The following LIN28B variants were observed in gnomAD, a reference collection of about 807,000 sequenced individuals.
LIN28B encodes lin-28 RNA binding posttranscriptional regulator B, also known as protein lin-28 homolog B.
In LIN28B, 5 loss-of-function variants were observed where a neutral mutation model predicts 21.9. The observed-to-expected ratio is 0.23, with a 90% confidence interval of 0.12 to 0.48. The LOEUF is 0.48. Ranked by LOEUF, LIN28B falls within the 20% of genes least tolerant of loss-of-function variation. The probability of loss-of-function intolerance (pLI) is 0.98; values close to 1 mark genes in which losing one functional copy is unlikely to be tolerated. For missense variants in LIN28B, 245 were observed against 310.5 expected, an observed-to-expected ratio of 0.79 and a Z score of 1.58; for synonymous variants, 109 against 111.3, an observed-to-expected ratio of 0.98 and a Z score of 0.13.
chr6:104,991,042 C>T (rs1321689499), intron 2 of LIN28B, among the ~76,000 whole-genome samples: 2 of 152,252 alleles, frequency 1.3e-5, no homozygotes, highest in South Asian at 2.1e-4. Flanking sequence ...AAACTGCCAT[C>T]GTCATCATGG....
At chr6:105,075,784 G>A (rs555044559) in intron 3 of LIN28B, among the ~76,000 whole-genome samples, 1 of 152,250 alleles carries the variant, frequency 6.6e-6, no homozygotes, top group South Asian at 2.1e-4. Flanking sequence ...TCCCTGAATT[G>A]GATAACACAG....
chr6:104,969,364 C>T (rs1352699576), intron 2 of LIN28B, among the ~76,000 whole-genome samples: 2 of 152,064 alleles, frequency 1.3e-5, no homozygotes, highest in Non-Finnish European at 2.9e-5. Flanking sequence ...CCACAGAAGC[C>T]AGGGTCAGAA....
rs1434859806 is a variant in LIN28B, at chr6:104,957,261, G to T, written c.10+1G>T. On this transcript the variant is annotated splice_donor_variant, in intron 1 of 3. Transcript: ENST00000345080. LOFTEE classifies it high-confidence loss of function. Reference sequence around the variant, plus strand: ...GGCCCGTGGGGCAACATGGCCGAAGGTTAATTTTCTTTTCTATTGTTTTAC... The same window carrying T: ...GGCCCGTGGGGCAACATGGCCGAAGTTTAATTTTCTTTTCTATTGTTTTAC... 2 of 1,606,956 alleles carry T rather than the reference G, an allele frequency of 1.2e-6. No homozygotes were observed. The highest frequency in any genetic ancestry group is 2.2e-5 in the South Asian group (2 of 90,650).
intron 2 of LIN28B, among the ~76,000 whole-genome samples, chr6:104,973,836 ATTC>A (rs1770027482): frequency 1.3e-5 from 2 of 152,174 alleles, no homozygotes; most frequent in African/African-American, 2.4e-5. Context: ...GGTTTGGTTA[ATTC>A]TTTTATACCT....
intron 3 of LIN28B, among the ~76,000 whole-genome samples, chr6:105,042,557 G>A (rs1562103289): frequency 6.6e-6 from 1 of 151,490 alleles, no homozygotes; most frequent in Non-Finnish European, 1.5e-5. Flanking sequence ...GCTTTCTTTT[G>A]TAAGATCATT....
chr6:105,032,180 G>A (rs1400757766), intron 3 of LIN28B, among the ~76,000 whole-genome samples: 2 of 152,030 alleles, frequency 1.3e-5, no homozygotes, highest in Non-Finnish European at 2.9e-5. Context: ...CTATTGAAGG[G>A]CATTTGAGTG....
intron 3 of LIN28B, among the ~76,000 whole-genome samples, chr6:105,043,843 T>C (rs1222356839): frequency 1.3e-5 from 2 of 152,156 alleles, no homozygotes; most frequent in African/African-American, 2.4e-5. Flanking sequence ...TCAAGCGATC[T>C]GCCTCCTCAG....
chr6:104,999,635 T>G (rs2114287421), intron 2 of LIN28B, among the ~76,000 whole-genome samples: 2 of 152,260 alleles, frequency 1.3e-5, no homozygotes, highest in Admixed American at 1.3e-4. Flanking sequence ...GTGTAGCCAA[T>G]TTAAGTTATT....
rs980799980 is a variant in LIN28B, at chr6:105,030,592, CTTT to C, written c.383+4129_383+4131del. Among the ~76,000 whole-genome samples the C allele has an allele frequency of 8.4e-5, 9 of 106,594 alleles. No individual in the cohort carries two copies. In the South Asian group the frequency reaches 1.2e-3, roughly 15 times the overall value. The allele number at this position is 106,594 out of a possible 152,430, so 69.9% of individuals were successfully genotyped here. ...CTTGAATTAATTTCTTTCTTTCTTTCTTTTTTTTTTTTTTTTTTTTTGGAGACA... is the reference window on the plus strand; with the variant it reads ...CTTGAATTAATTTCTTTCTTTCTTTCTTTTTTTTTTTTTTTTTTGGAGACA... On this transcript the variant is annotated intron_variant, in intron 3 of 3. Coordinates refer to ENST00000345080, the MANE Select transcript of LIN28B (RefSeq NM_001004317.4).
intron 2 of LIN28B, among the ~76,000 whole-genome samples, chr6:104,973,235 C>A (rs1249423113): frequency 1.3e-5 from 2 of 151,992 alleles, no homozygotes; most frequent in African/African-American, 4.8e-5. Context: ...CATTAATATT[C>A]CTAATAGTAA....
intron 2 of LIN28B, among the ~76,000 whole-genome samples, chr6:104,987,573 G>T (rs779350224): frequency 1.6e-4 from 25 of 152,084 alleles, no homozygotes; most frequent in Non-Finnish European, 2.8e-4. Context: ...CAGTTCTCCT[G>T]CCTTGGCCTC....
At chr6:105,049,950 T>C (rs950737803) in intron 3 of LIN28B, among the ~76,000 whole-genome samples, 52 of 152,332 alleles carry the variant, frequency 3.4e-4, no homozygotes, top group Non-Finnish European at 7.4e-4. Flanking sequence ...CTTGACTTTT[T>C]ATCCAATTTG....
upstream of LIN28B, among the ~76,000 whole-genome samples, chr6:104,952,748 T>C (rs1778234369): frequency 1.3e-5 from 2 of 152,328 alleles, no homozygotes; most frequent in Admixed American, 6.5e-5. Flanking sequence ...TTAAAATTTA[T>C]GCTAATCCGT....
intron 2 of LIN28B, among the ~76,000 whole-genome samples, chr6:104,961,410 T>A (rs1460489348): frequency 2.6e-5 from 4 of 151,344 alleles, no homozygotes; most frequent in African/African-American, 4.8e-5. Flanking sequence ...ATTCTTTTAT[T>A]TTTTTTTTGA....
intron 2 of LIN28B, among the ~76,000 whole-genome samples, chr6:104,962,713 G>A (rs1769772296): frequency 6.6e-6 from 1 of 151,902 alleles, no homozygotes; most frequent in South Asian, 2.1e-4. Flanking sequence ...TCATTTTTAA[G>A]GGCTTTTCGT....
intron 3 of LIN28B, among the ~76,000 whole-genome samples, chr6:105,049,474 T>C (rs1771845713): frequency 6.6e-6 from 1 of 152,214 alleles, no homozygotes; most frequent in Admixed American, 6.5e-5. Context: ...AGAATGGATA[T>C]TCTGTTGATT....
intron 2 of LIN28B, among the ~76,000 whole-genome samples, chr6:105,007,383 G>T (rs556783166): frequency 6.6e-6 from 1 of 152,246 alleles, no homozygotes; most frequent in African/African-American, 2.4e-5. Flanking sequence ...TTTTGTTTCT[G>T]TGTTGCATCA....
At chr6:105,051,260 G>A (rs1420013128) in intron 3 of LIN28B, among the ~76,000 whole-genome samples, 4 of 151,364 alleles carry the variant, frequency 2.6e-5, no homozygotes, top group African/African-American at 9.8e-5. Flanking sequence ...CCAACATGGT[G>A]AAACCCTATC....
In LIN28B at chr6:105,023,261, T is replaced by A. The variant is rs572491553; in HGVS notation, c.199-3037T>A. Among the ~76,000 whole-genome samples the A allele has an allele frequency of 3.6e-4, 22 of 61,488 alleles. No homozygotes were observed. The South Asian group carries it at 0.011, about 32-fold the overall frequency. 40.3% of individuals were successfully genotyped at this position (61,488 alleles called of 152,430 possible). A position where few individuals can be genotyped will look rare whatever the true frequency, so the allele number is the denominator to read the frequency against. ...TATATTATATATTATTTATATATAATTATTATTTATTATTATATATATAAA... is the reference window on the plus strand; with the variant it reads ...TATATTATATATTATTTATATATAAATATTATTTATTATTATATATATAAA... On this transcript the variant is annotated intron_variant, in intron 2 of 3. Coordinates refer to ENST00000345080, the MANE Select transcript of LIN28B (RefSeq NM_001004317.4).
Sources: gnomAD v4.1 joint callset for allele counts (sites outside exome capture counted in the v4.1 genomes callset) on GRCh38, gnomAD v4.1.1 for gene constraint, MANE v1.5 for transcripts, NCBI Gene and HGNC (gene_info 2026-07-23, HGNC 2026-07-21) for gene names.